OPA1: variants seen among roughly 807,000 people sequenced by gnomAD.
The protein encoded by OPA1 is dynamin-like GTPase OPA1, mitochondrial.
In OPA1, 59 loss-of-function variants were observed where a neutral mutation model predicts 152.9. That is an observed-to-expected ratio of 0.39 (90% CI 0.31 to 0.48). OPA1 has a LOEUF of 0.48. Ranked by LOEUF, OPA1 falls within the 20% of genes least tolerant of loss-of-function variation. OPA1 has a pLI of 0.96. For missense variants in OPA1, 1,008 were observed against 1,216.8 expected (o/e 0.83, Z 2.55); for synonymous variants, 400 against 389.9 (o/e 1.03, Z -0.31).
rs780333963 is a variant in OPA1, at chr3:193,637,279, C to T, written c.1033C>T (p.Arg345Trp). 4 of 1,599,804 alleles carry T rather than the reference C, an allele frequency of 2.5e-6. No homozygotes were observed. Among genetic ancestry groups the T allele is most frequent in the East Asian group, 2.2e-5 (1 of 44,568 alleles). Reference protein sequence around the residue: ...ASYNTQDHLPRVVVVGDQSAG... With the variant: ...ASYNTQDHLPWVVVVGDQSAG... ...TTATAATACGCAAGATCATCTGCCA[C>T]GGGTATGTGAAAAATTGATAGTGAA... Residue 345 changes from arginine to tryptophan, a missense_variant and splice_region_variant, in exon 10 of 31, where the codon CGG becomes TGG. By Grantham distance (101) the Arg-to-Trp change is moderately radical. This residue lies in a region of OPA1 where 9 missense variants were observed against 34.2 expected (regional missense o/e 0.26). Coordinates refer to ENST00000361510, the MANE Select transcript of OPA1 (RefSeq NM_130837.3).
At position 193,637,256 on chromosome 3, in the gene OPA1, A is replaced by G. The variant is rs1406390113; in HGVS notation, c.1010A>G (p.Tyr337Cys). Residue 337 changes from tyrosine (Y) to cysteine (C), a missense_variant, in exon 10 of 31, where the codon TAT becomes TGT. By Grantham distance (194) the Tyr-to-Cys change is radical. Around this residue, in one of 7 missense-constraint regions of OPA1, gnomAD observed 408 missense variants for 395.1 expected, o/e 1.03. Coordinates refer to ENST00000361510, the MANE Select transcript of OPA1 (RefSeq NM_130837.3). ...GTTCTCTCTGATTATGATGCCAGTT[A>G]TAATACGCAAGATCATCTGCCACGG... ...LDVLSDYDAS[Y>C]NTQDHLPRVV... 3 of 1,607,590 alleles carry G rather than the reference A, an allele frequency of 1.9e-6. No homozygotes were observed. Among genetic ancestry groups the G allele is most frequent in the South Asian group, 1.1e-5 (1 of 90,478 alleles).
At chr3:193,631,884 T>C (rs1732136360) in intron 8 of OPA1, 2 of 584,902 alleles carry the variant, frequency 3.4e-6, no homozygotes, top group Non-Finnish European at 3.0e-6. Context: ...AAAAACCTAT[T>C]TTGAGTGAAT....
intron 29 of OPA1, chr3:193,668,629 C>G (rs1717227323): frequency 2.0e-6 from 3 of 1,527,398 alleles, no homozygotes; most frequent in African/African-American, 1.4e-5. Context: ...AGGCCACCCT[C>G]CTGCACAGAT....
At chr3:193,634,637 T>C (rs1009710391) in intron 8 of OPA1, among the ~76,000 whole-genome samples, 12 of 152,108 alleles carry the variant, frequency 7.9e-5, no homozygotes, top group Non-Finnish European at 1.8e-4. Flanking sequence ...CTCGATCTCT[T>C]GGCATCGTGA....
chr3:193,607,147 T>G (rs1307528382), intron 1 of OPA1, among the ~76,000 whole-genome samples: 2 of 152,224 alleles, frequency 1.3e-5, no homozygotes, highest in Non-Finnish European at 2.9e-5. Flanking sequence ...GTTTGAGTTC[T>G]TTGTAGATTC....
intron 28 of OPA1, among the ~76,000 whole-genome samples, chr3:193,666,932 T>C (rs1716694050): frequency 6.6e-6 from 1 of 152,174 alleles, no homozygotes; most frequent in African/African-American, 2.4e-5. Flanking sequence ...CTTAGTTTTT[T>C]GGGAAATCTG....
chr3:193,637,897 A>G (rs1733187241), intron 10 of OPA1, 55 bp from the exon 11 acceptor site: 1 of 1,378,152 alleles, frequency 7.3e-7, no homozygotes, highest in Non-Finnish European at 1.0e-6. Flanking sequence ...AATAGGTTTT[A>G]ATTTTAATTT....
At chr3:193,686,821 C>T (rs1720997039) in intron 29 of OPA1, among the ~76,000 whole-genome samples, 1 of 152,162 alleles carries the variant, frequency 6.6e-6, no homozygotes, top group South Asian at 2.1e-4. Context: ...ACCAAGTGCT[C>T]AGGCAGCATG....
intron 29 of OPA1, among the ~76,000 whole-genome samples, chr3:193,683,286 T>G (rs1364419194): frequency 1.3e-5 from 2 of 151,430 alleles, no homozygotes; most frequent in Non-Finnish European, 2.9e-5. Context: ...TTTTTTTTTT[T>G]TGGCAGTCTC....
In OPA1 at chr3:193,650,062, C is replaced by T. The variant is rs576683523; in HGVS notation, c.2012+1191C>T. Among the ~76,000 whole-genome samples the T allele has an allele frequency of 4.6e-5, 7 of 152,250 alleles. No homozygotes were observed. The South Asian group carries it at 6.2e-4, about 14-fold the overall frequency. On this transcript the variant is annotated intron_variant, in intron 21 of 30. Coordinates refer to ENST00000361510, the MANE Select transcript of OPA1 (RefSeq NM_130837.3). The stretch of plus-strand genomic sequence containing the variant: ...TTTATGGGGAGAAAATGTGGTCCTT[C>T]TATAAATTAATTTTTGGTATCATCA...
chr3:193,693,073 C>A (rs933972216), intron 30 of OPA1, among the ~76,000 whole-genome samples: 1 of 152,260 alleles, frequency 6.6e-6, no homozygotes, highest in Non-Finnish European at 1.5e-5. Flanking sequence ...CCTTACCCTA[C>A]AGACAGCCTG....
chr3:193,659,617 C>A, intron 25 of OPA1, 56 bp downstream of exon 25: 1 of 1,412,934 alleles, frequency 7.1e-7, no homozygotes, highest in South Asian at 1.2e-5. Flanking sequence ...CATTTTAATT[C>A]AGGCATTAAA....
In OPA1 at chr3:193,625,776, TAAAAAA is replaced by T. The variant is rs35044042; in HGVS notation, c.679-306_679-301del. ...TTTAGACCAGTAAGATCAACACTGTTAAAAAAAAAAAAAAATCAGTATTTTTTCTCC... is the reference window on the plus strand; with the variant it reads ...TTTAGACCAGTAAGATCAACACTGTTAAAAAAAAATCAGTATTTTTTCTCC... On this transcript the variant is annotated intron_variant, in intron 6 of 30. Coordinates refer to ENST00000361510, the MANE Select transcript of OPA1 (RefSeq NM_130837.3). Among the ~76,000 whole-genome samples the T allele has an allele frequency of 2.8e-5, 4 of 142,798 alleles. No homozygotes were observed. The South Asian group carries it at 6.6e-4, about 24-fold the overall frequency. 93.7% of individuals were successfully genotyped at this position (142,798 alleles called of 152,430 possible).
intron 1 of OPA1, among the ~76,000 whole-genome samples, chr3:193,609,781 A>G (rs980481938): frequency 2.0e-5 from 3 of 151,952 alleles, no homozygotes; most frequent in African/African-American, 7.3e-5. Context: ...GCTTCATTTC[A>G]TTGATTTGAT....
intron 7 of OPA1, among the ~76,000 whole-genome samples, chr3:193,630,250 C>T (rs1399380728): frequency 7.7e-6 from 1 of 129,450 alleles, no homozygotes; most frequent in Non-Finnish European, 1.7e-5. Flanking sequence ...AAGCTTCTAT[C>T]AGCAGATCTG....
At chr3:193,676,843 T>C (rs570062512) in intron 29 of OPA1, among the ~76,000 whole-genome samples, 56 of 151,944 alleles carry the variant, frequency 3.7e-4, no homozygotes, top group Non-Finnish European at 5.7e-4. Flanking sequence ...TAGCCAGGCG[T>C]GGTGGCGGGC....
At position 193,654,907 on chromosome 3, in the gene OPA1, T is replaced by A. The variant is rs1178855337; in HGVS notation, c.2058T>A (p.His686Gln). 1 of 1,613,866 alleles carries A rather than the reference T, an allele frequency of 6.2e-7. No individual in the cohort carries two copies. Among genetic ancestry groups the A allele is most frequent in the Non-Finnish European group, 8.5e-7 (1 of 1,179,960 alleles). ...CTTTGTGGGAAAGAGTATCAACTCATGTGATTGAAAACATCTACCTTCCAG... is the reference window on the plus strand; with the variant it reads ...CTTTGTGGGAAAGAGTATCAACTCAAGTGATTGAAAACATCTACCTTCCAG... ...QQSLWERVST[H>Q]VIENIYLPAA... is the part of the protein sequence containing the mutation. Residue 686 changes from histidine to glutamine, a missense_variant, in exon 22 of 31, where the codon CAT (histidine) becomes CAA (glutamine). This residue lies in a region of OPA1 where 229 missense variants were observed against 269.0 expected (regional missense o/e 0.85). Coordinates refer to ENST00000361510, the MANE Select transcript of OPA1 (RefSeq NM_130837.3).
chr3:193,598,882 T>C (rs1359520569), intron 1 of OPA1, among the ~76,000 whole-genome samples: 3 of 152,206 alleles, frequency 2.0e-5, no homozygotes, highest in Non-Finnish European at 4.4e-5. Context: ...ACTAAATGGA[T>C]GTAAGGATGT....
At chr3:193,659,600 T>TA in intron 25 of OPA1, 39 bp downstream of exon 25, 1 of 1,528,124 alleles carries the variant, frequency 6.5e-7, no homozygotes, top group Non-Finnish European at 9.0e-7. Context: ...GATGATATAA[T>TA]TTTGTTCATT....
Sources: gnomAD v4.1 joint callset for allele counts (sites outside exome capture counted in the v4.1 genomes callset) on GRCh38, gnomAD v4.1.1 for gene constraint, gnomAD v4.1.1 regional missense constraint, MANE v1.5 for transcripts, NCBI Gene and HGNC (gene_info 2026-07-23, HGNC 2026-07-21) for gene names.